ISM1: variants seen among roughly 807,000 people sequenced by gnomAD.
ISM1 encodes isthmin-1.
Under a neutral mutation model 46.3 loss-of-function variants are expected in ISM1, and 25 were observed. The ratio of observed to expected loss-of-function variants is 0.54; its 90% CI spans 0.39 to 0.75. The LOEUF (loss-of-function observed/expected upper bound fraction) is 0.75, where lower values mean the gene tolerates loss of function less well. ISM1 is among the 30% of genes least tolerant of loss of function. The probability of loss-of-function intolerance (pLI) is 0.00; values close to 1 mark genes in which losing one functional copy is unlikely to be tolerated. For synonymous variants in ISM1, 255 were observed against 256.7 expected (o/e 0.99, Z 0.06); for missense variants, 536 against 625.4 (o/e 0.86, Z 1.52).
chr20:13,252,336 T>G (rs1322118), intron 1 of ISM1, among the ~76,000 whole-genome samples: 11,028 of 152,276 alleles, frequency 0.072, 506 homozygotes, highest in Middle Eastern at 0.14. Context: ...CCTTCATACA[T>G]GAATCATTGC....
chr20:13,246,995 G>T (rs2039801813), intron 1 of ISM1, among the ~76,000 whole-genome samples: 1 of 152,106 alleles, frequency 6.6e-6, no homozygotes, highest in Non-Finnish European at 1.5e-5. Flanking sequence ...CAGCACTTTG[G>T]GAGGCTGAGG....
Position 13,254,234 on chromosome 20 carries a change from A to AAAATAAAT in ISM1, c.139-16254_139-16247dup, listed in dbSNP as rs145810710. Among the ~76,000 whole-genome samples, 862 of 150,800 alleles carry AAAATAAAT rather than the reference A, an allele frequency of 5.7e-3. 6 individuals carry two copies. Among genetic ancestry groups the AAAATAAAT allele is most frequent in the Middle Eastern group, 0.014 (4 of 286 alleles). On this transcript the variant is annotated intron_variant, in intron 1 of 5. Coordinates refer to ENST00000262487, the MANE Select transcript of ISM1 (RefSeq NM_080826.2). ...GGCGACAGAGCAAAACTCCATCTCA[A>AAAATAAAT]AAATAAATAAATAAATAAATAAAGC... is the stretch of plus-strand genomic sequence containing the variant.
chr20:13,292,289 G>T, intron 4 of ISM1, 85 bp from the exon 5 acceptor site: 1 of 813,462 alleles, frequency 1.2e-6, no homozygotes, highest in Non-Finnish European at 2.0e-6. Context: ...GCTTTGTTCA[G>T]GTGTATTTAT....
the ISM1 span, among the ~76,000 whole-genome samples, chr20:13,322,727 G>T: frequency 5.6e-4 from 85 of 152,266 alleles, no homozygotes; most frequent in African/African-American, 1.8e-3. Context: ...CTAAAGGATG[G>T]GGGTGGAATA....
chr20:13,302,813 C>T (rs566786517), downstream of ISM1, among the ~76,000 whole-genome samples: 15 of 152,218 alleles, frequency 9.9e-5, no homozygotes, highest in African/African-American at 3.6e-4. Context: ...CAGAGATGCC[C>T]ACGGCCCTCT....
the ISM1 span, among the ~76,000 whole-genome samples, chr20:13,321,738 C>T: frequency 6.6e-6 from 1 of 152,218 alleles, no homozygotes; most frequent in African/African-American, 2.4e-5. Flanking sequence ...CTATTTTTCA[C>T]ATGTATGTAC....
intron 1 of ISM1, among the ~76,000 whole-genome samples, chr20:13,240,463 G>A (rs1410361935): frequency 1.3e-5 from 2 of 152,140 alleles, no homozygotes; most frequent in African/African-American, 4.8e-5. Flanking sequence ...TCAGGCAGAC[G>A]GAATCACAAA....
chr20:13,314,686 AAGG>A, the ISM1 span, among the ~76,000 whole-genome samples: 1 of 152,160 alleles, frequency 6.6e-6, no homozygotes, highest in East Asian at 1.9e-4. Context: ...CTTCATAAAA[AAGG>A]AGGAGAATCA....
At chr20:13,278,150 G>T (rs148181472) in intron 2 of ISM1, among the ~76,000 whole-genome samples, 1 of 152,298 alleles carries the variant, frequency 6.6e-6, no homozygotes, top group East Asian at 1.9e-4. Context: ...CTATGCGATG[G>T]CCAAAGGAAC....
At chr20:13,312,488 CAG>C in the ISM1 span, among the ~76,000 whole-genome samples, 3 of 152,196 alleles carry the variant, frequency 2.0e-5, no homozygotes, top group Admixed American at 2.0e-4. Context: ...CCCTCATGCA[CAG>C]TCTGAGATAA....
At chr20:13,224,375 A>G (rs1164181036) in intron 1 of ISM1, among the ~76,000 whole-genome samples, 1 of 152,210 alleles carries the variant, frequency 6.6e-6, no homozygotes, top group Non-Finnish European at 1.5e-5. Flanking sequence ...AAAGACATTT[A>G]TTAGTCCATC....
intron 1 of ISM1, among the ~76,000 whole-genome samples, chr20:13,264,884 A>G (rs2040026082): frequency 1.3e-5 from 2 of 152,100 alleles, no homozygotes; most frequent in Admixed American, 1.3e-4. Flanking sequence ...AGCTGATGAG[A>G]ATGAGGAAGG....
intron 1 of ISM1, among the ~76,000 whole-genome samples, chr20:13,252,677 C>T (rs1039629654): frequency 2.0e-5 from 3 of 152,070 alleles, no homozygotes; most frequent in African/African-American, 7.2e-5. Context: ...ATCGCTTGAA[C>T]ACGGGAGACA....
chr20:13,260,564 C>T (rs1416631172), intron 1 of ISM1, among the ~76,000 whole-genome samples: 1 of 151,654 alleles, frequency 6.6e-6, no homozygotes, highest in Non-Finnish European at 1.5e-5. Flanking sequence ...ATCTCCCCAC[C>T]CTCAATTTGA....
intron 1 of ISM1, among the ~76,000 whole-genome samples, chr20:13,256,395 CAAA>C (rs559300861): frequency 0.22 from 15,922 of 71,238 alleles, 737 homozygotes; most frequent in East Asian, 0.43. Flanking sequence ...GACCCCGTCT[CAAA>C]AAAAAAAAAA....
At chr20:13,237,719 A>G (rs2039668401) in intron 1 of ISM1, 1 of 152,218 alleles carries the variant, frequency 6.6e-6, no homozygotes, top group Non-Finnish European at 1.5e-5. Context: ...TTCAATTTTA[A>G]TAAAAGAGTA....
chr20:13,228,112 A>G (rs781354953), intron 1 of ISM1, among the ~76,000 whole-genome samples: 1 of 151,864 alleles, frequency 6.6e-6, no homozygotes, highest in Non-Finnish European at 1.5e-5. Flanking sequence ...AGCTGGGATT[A>G]CAGGTACCCA....
intron 1 of ISM1, chr20:13,244,491 G>T (rs1189999012): frequency 6.6e-6 from 1 of 152,056 alleles, no homozygotes; most frequent in Non-Finnish European, 1.5e-5. Context: ...AGGCAGCTTT[G>T]TGATTTGTTT....
the ISM1 span, among the ~76,000 whole-genome samples, chr20:13,308,464 A>G: frequency 1.6e-3 from 244 of 152,292 alleles, 1 homozygote; most frequent in African/African-American, 5.0e-3. Context: ...TGAATTGAAC[A>G]GTACTTTGCC....
Sources: allele counts gnomAD v4.1 joint callset (sites outside exome capture counted in the v4.1 genomes callset), GRCh38; gene constraint gnomAD v4.1.1; transcripts MANE v1.5; gene names NCBI Gene and HGNC (gene_info 2026-07-23, HGNC 2026-07-21).